CACNB2: variants seen among roughly 807,000 people sequenced by gnomAD.
The protein encoded by CACNB2 is voltage-dependent L-type calcium channel subunit beta-2.
A neutral mutation model predicts 73.3 loss-of-function variants in CACNB2; 42 were observed. The observed-to-expected ratio is 0.57, with a 90% CI of 0.45 to 0.74. CACNB2 has a LOEUF of 0.74. Ranked by LOEUF, CACNB2 falls within the 30% of genes least tolerant of loss-of-function variation. CACNB2 has a pLI of 0.00. For synonymous variants in CACNB2, 348 were observed against 310.3 expected (o/e 1.12, Z -1.28); for missense variants, 940 against 853.0 (o/e 1.10, Z -1.27).
At chr10:18,408,698 T>G (rs1480958587) in intron 3 of CACNB2, among the ~76,000 whole-genome samples, 1 of 152,184 alleles carries the variant, frequency 6.6e-6, no homozygotes, top group African/African-American at 2.4e-5. Flanking sequence ...TTTCATGATG[T>G]TTGAAAACAT....
At chr10:18,228,482 A>AT (rs1215662510) in intron 2 of CACNB2, among the ~76,000 whole-genome samples, 1 of 151,670 alleles carries the variant, frequency 6.6e-6, no homozygotes, top group Non-Finnish European at 1.5e-5. Flanking sequence ...AACATAATAC[A>AT]TTGTTTTTAG....
intron 10 of CACNB2, chr10:18,533,483 T>G (rs1398530121): frequency 6.5e-6 from 1 of 153,298 alleles, no homozygotes; most frequent in Non-Finnish European, 1.5e-5. Flanking sequence ...TACTTTAGAT[T>G]TCTGTAGTGC....
At chr10:18,191,475 A>G (rs1388239506) in intron 2 of CACNB2, among the ~76,000 whole-genome samples, 2 of 152,120 alleles carry the variant, frequency 1.3e-5, no homozygotes, top group African/African-American at 4.8e-5. Flanking sequence ...ATTGGGGTAC[A>G]GGTGGTATTT....
chr10:18,505,684 G>A (rs2050450741), intron 5 of CACNB2, among the ~76,000 whole-genome samples: 1 of 152,194 alleles, frequency 6.6e-6, no homozygotes, highest in South Asian at 2.1e-4. Context: ...ATCTGAGAGA[G>A]GGGTCATTCG....
In CACNB2 at chr10:18,260,965, C is replaced by T. The variant is rs867543454; in HGVS notation, c.213+109990C>T. 52 of 1,317,330 alleles carry T rather than the reference C, an allele frequency of 3.9e-5. No individual in the cohort carries two copies. In the South Asian group the frequency reaches 5.8e-4, roughly 15 times the overall value. 81.6% of individuals were successfully genotyped at this position (1,317,330 alleles called of 1,614,324 possible). On this transcript the variant is annotated intron_variant, in intron 2 of 13. Coordinates refer to ENST00000324631, the MANE Select transcript of CACNB2 (RefSeq NM_201596.3). Reference sequence around the variant, plus strand: ...CAGTCCTAACTCTGTGTTAGCAATACTTACTTCCGGAAAATTAATGCTACT... The same window carrying T: ...CAGTCCTAACTCTGTGTTAGCAATATTTACTTCCGGAAAATTAATGCTACT...
intron 2 of CACNB2, among the ~76,000 whole-genome samples, chr10:18,207,263 C>A (rs2035133570): frequency 6.6e-6 from 1 of 152,184 alleles, no homozygotes; most frequent in East Asian, 1.9e-4. Flanking sequence ...CCTACCTCTG[C>A]CTCCCAAAAT....
At chr10:18,395,785 T>C (rs1001229457) in intron 2 of CACNB2, among the ~76,000 whole-genome samples, 1 of 152,218 alleles carries the variant, frequency 6.6e-6, no homozygotes, top group Non-Finnish European at 1.5e-5. Flanking sequence ...CTCAGCTAAA[T>C]GATAGGTCAA....
At chr10:18,298,312 G>T (rs2039362032) in intron 2 of CACNB2, among the ~76,000 whole-genome samples, 1 of 151,790 alleles carries the variant, frequency 6.6e-6, no homozygotes, top group East Asian at 1.9e-4. Flanking sequence ...GGAGGTTGCA[G>T]TGAGCCGAGA....
chr10:18,449,919 G>A (rs1350793261), intron 3 of CACNB2, among the ~76,000 whole-genome samples: 1 of 152,236 alleles, frequency 6.6e-6, no homozygotes, highest in Non-Finnish European at 1.5e-5. Flanking sequence ...GAGGTAGGAT[G>A]ATGCAGGCTG....
At chr10:18,240,377 C>T (rs188889622) in intron 2 of CACNB2, among the ~76,000 whole-genome samples, 49 of 152,262 alleles carry the variant, frequency 3.2e-4, no homozygotes, top group Non-Finnish European at 4.9e-4. Flanking sequence ...GATTCGGTTC[C>T]AAGCAGCGTG....
intron 3 of CACNB2, among the ~76,000 whole-genome samples, chr10:18,436,244 T>A (rs1405154802): frequency 6.6e-6 from 1 of 152,222 alleles, no homozygotes; most frequent in Admixed American, 6.5e-5. Context: ...CCCTCTTTGG[T>A]GGAGAAGTTT....
intron 3 of CACNB2, among the ~76,000 whole-genome samples, chr10:18,496,814 C>CAAAAAAAAAAAAAAAAAAAAAA (rs905870687): frequency 4.4e-5 from 2 of 45,182 alleles, no homozygotes; most frequent in Non-Finnish European, 9.4e-5. Flanking sequence ...AACTCCGCCT[C>CAAAAAAAAAAAAAAAAAAAAAA]AAAAAAAAAA....
At position 18,543,404 on chromosome 10, in the gene CACNB2, C is replaced by A. The variant is rs373367840; in HGVS notation, c.*3680C>A. 6.6e-6 allele frequency: 1 copy of A among 152,124 alleles called. No individual in the cohort carries two copies. Among genetic ancestry groups the A allele is most frequent in the South Asian group, 2.1e-4 (1 of 4,826 alleles). 9.4% of individuals were successfully genotyped at this position (152,124 alleles called of 1,614,324 possible). On this transcript the variant is annotated 3_prime_UTR_variant, in exon 14 of 14. Transcript: ENST00000324631. ...TGGATCAAGAGTTTAATTTCTGCTGCGCTGTACTTTTAACTATTTGTACTT... is the reference window on the plus strand; with the variant it reads ...TGGATCAAGAGTTTAATTTCTGCTGAGCTGTACTTTTAACTATTTGTACTT...
chr10:18,538,124 G>T, intron 12 of CACNB2, 56 bp from the exon 13 acceptor site: 2 of 1,560,454 alleles, frequency 1.3e-6, no homozygotes, highest in South Asian at 1.1e-5. Context: ...ATGGAGGTGG[G>T]AAGGGGGTGA....
chr10:18,247,136 C>T (rs2036896595), intron 2 of CACNB2, among the ~76,000 whole-genome samples: 1 of 152,150 alleles, frequency 6.6e-6, no homozygotes, highest in Non-Finnish European at 1.5e-5. Context: ...CTGCTATCTC[C>T]TCTCCTGGGA....
chr10:18,481,201 T>C (rs2048709132), intron 3 of CACNB2, among the ~76,000 whole-genome samples: 1 of 6,618 alleles, frequency 1.5e-4, no homozygotes, highest in African/African-American at 4.8e-4. Flanking sequence ...GCTATATATA[T>C]ATATATATAT....
intron 2 of CACNB2, among the ~76,000 whole-genome samples, chr10:18,383,976 G>A (rs2043122566): frequency 6.6e-6 from 1 of 152,158 alleles, no homozygotes; most frequent in South Asian, 2.1e-4. Context: ...AAAGTGCTGG[G>A]ATTACAGGCA....
At chr10:18,233,968 G>C (rs1012835786) in intron 2 of CACNB2, among the ~76,000 whole-genome samples, 1 of 152,172 alleles carries the variant, frequency 6.6e-6, no homozygotes, top group South Asian at 2.1e-4. Context: ...GTCCCCTACT[G>C]TTGCAAACCT....
At chr10:18,164,807 C>G (rs1014287692) in intron 2 of CACNB2, among the ~76,000 whole-genome samples, 1 of 152,030 alleles carries the variant, frequency 6.6e-6, no homozygotes, top group African/African-American at 2.4e-5. Flanking sequence ...ATTTCTCTGA[C>G]CGTTTTGTGT....
Sources: allele counts gnomAD v4.1 joint callset (sites outside exome capture counted in the v4.1 genomes callset), GRCh38; gene constraint gnomAD v4.1.1; transcripts MANE v1.5; gene names NCBI Gene and HGNC (gene_info 2026-07-23, HGNC 2026-07-21).